The following PGM2L1 variants were observed in gnomAD, a reference collection of about 807,000 sequenced individuals.
PGM2L1 encodes phosphoglucomutase 2 like 1.
Under a neutral mutation model 73.4 loss-of-function variants are expected in PGM2L1, and 35 were observed. That is an observed-to-expected ratio of 0.48 (90% CI 0.36 to 0.63). The LOEUF is 0.63. PGM2L1 is among the 30% of genes least tolerant of loss of function. PGM2L1 has a pLI of 0.00. For synonymous variants in PGM2L1, 225 were observed against 253.8 expected (o/e 0.89, Z 1.08); for missense variants, 570 against 742.0 (o/e 0.77, Z 2.69).
rs60883108 is a variant in PGM2L1 at position 74,395,549 on chromosome 11, C to CTTTTTTTT, written c.111+2494_111+2501dup. 3.0e-3 allele frequency among the ~76,000 whole-genome samples: 193 copies of CTTTTTTTT among 64,948 alleles called. 3 individuals are homozygous for CTTTTTTTT. The highest frequency in any genetic ancestry group is 4.1e-3 in the East Asian group (6 of 1,474). 42.6% of individuals were successfully genotyped at this position (64,948 alleles called of 152,430 possible). On this transcript the variant is annotated intron_variant, in intron 1 of 13. Coordinates refer to ENST00000298198, the MANE Select transcript of PGM2L1 (RefSeq NM_173582.6). ...TACAGGCACGTGACACCTCGCCTGG[C>CTTTTTTTT]TTTTTTTTTTTTTTTTTTTTTTTTT...
At chr11:74,346,618 C>T (rs757961028) in intron 8 of PGM2L1, 114 bp downstream of exon 8, 9 of 766,802 alleles carry the variant, frequency 1.2e-5, no homozygotes, top group Non-Finnish European at 1.7e-5. Context: ...AATGGATTTA[C>T]AGGAAATTTA....
At position 74,347,252 on chromosome 11, in the gene PGM2L1, C is replaced by T; in HGVS notation, c.835G>A (p.Val279Met). Residue 279 changes from valine (V) to methionine (M), a missense_variant, in exon 7 of 14, where the codon GTG becomes ATG. By Grantham distance (21) the Val-to-Met change is conservative (BLOSUM62 1). Coordinates refer to ENST00000298198, the MANE Select transcript of PGM2L1 (RefSeq NM_173582.6). ...GGAATTGGAGGCTTAAAACCAAACA[C>T]TTTAAAAGCCAACTGCACATAGTCA... The part of the protein sequence containing the change: ...GHDYVQLAFK[V>M]FGFKPPIPVP... 6.2e-7 allele frequency: 1 copy of T among 1,613,356 alleles called. No homozygotes were observed.
chr11:74,342,663 T>A lies in PGM2L1; in HGVS notation c.1443-13A>T. On this transcript the variant is annotated splice_polypyrimidine_tract_variant and intron_variant, in intron 11 of 13. Coordinates refer to ENST00000298198, the MANE Select transcript of PGM2L1 (RefSeq NM_173582.6). ...ATGATAACCATATCTGTGCAAAGAT[T>A]CAAAGTGCTAAAATTAGATTTCAGA... 1 of 1,513,888 alleles carries A rather than the reference T, an allele frequency of 6.6e-7. No individual in the cohort carries two copies. Among genetic ancestry groups the A allele is most frequent in the African/African-American group, 1.4e-5 (1 of 71,232 alleles). The allele number at this position is 1,513,888 out of a possible 1,614,324, so 93.8% of individuals were successfully genotyped here.
intron 5 of PGM2L1, among the ~76,000 whole-genome samples, chr11:74,352,696 C>G (rs1163891180): frequency 3.3e-5 from 5 of 152,110 alleles, no homozygotes; most frequent in Non-Finnish European, 7.3e-5. Flanking sequence ...ATAAACACCT[C>G]AAAATGCTAC....
chr11:74,345,374 A>G, intron 9 of PGM2L1, 95 bp downstream of exon 9: 1 of 1,101,980 alleles, frequency 9.1e-7, no homozygotes, highest in Non-Finnish European at 1.3e-6. Flanking sequence ...GGGAATTACA[A>G]ATGAAATCAA....
intron 4 of PGM2L1, among the ~76,000 whole-genome samples, chr11:74,369,022 CCAA>C (rs976580570): frequency 1.3e-5 from 2 of 152,094 alleles, no homozygotes; most frequent in African/African-American, 4.8e-5. Flanking sequence ...CTCCAGTCTC[CCAA>C]CAACACGTTC....
At chr11:74,367,626 A>T (rs1862681102) in intron 5 of PGM2L1, among the ~76,000 whole-genome samples, 1 of 152,096 alleles carries the variant, frequency 6.6e-6, no homozygotes, top group Admixed American at 6.6e-5. Flanking sequence ...CAAGTAAAGG[A>T]TGTCCAAATA....
Position 74,359,748 on chromosome 11 carries a change from T to C in PGM2L1, c.556-8172A>G, listed in dbSNP as rs150637558. ...GAGAAGTGACAAACACGTATATATT[T>C]ATATATGTGTGGACTATCCCTGAAC... On this transcript the variant is annotated intron_variant, in intron 5 of 13. Coordinates refer to ENST00000298198, the MANE Select transcript of PGM2L1 (RefSeq NM_173582.6). Among the ~76,000 whole-genome samples the C allele has an allele frequency of 1.2e-4, 18 of 151,918 alleles. No homozygotes were observed. In the East Asian group the frequency reaches 3.1e-3, roughly 26 times the overall value.
At chr11:74,389,910 T>C (rs961121939) in intron 1 of PGM2L1, among the ~76,000 whole-genome samples, 2 of 119,596 alleles carry the variant, frequency 1.7e-5, no homozygotes, top group Non-Finnish European at 3.4e-5. Flanking sequence ...GAGACCATCC[T>C]GGCTAACATG....
At chr11:74,378,476 C>CA (rs1245469328) in intron 1 of PGM2L1, among the ~76,000 whole-genome samples, 5 of 152,018 alleles carry the variant, frequency 3.3e-5, no homozygotes, top group Non-Finnish European at 5.9e-5. Flanking sequence ...GCAGAAAATC[C>CA]AAAAGATCTT....
intron 1 of PGM2L1, among the ~76,000 whole-genome samples, chr11:74,380,834 A>G (rs1159283737): frequency 6.6e-6 from 1 of 152,174 alleles, no homozygotes; most frequent in Admixed American, 6.6e-5. Context: ...TCTTTCTACA[A>G]CTATTCTGAC....
chr11:74,368,268 T>C (rs1862693047), intron 5 of PGM2L1, among the ~76,000 whole-genome samples: 1 of 152,144 alleles, frequency 6.6e-6, no homozygotes, highest in Non-Finnish European at 1.5e-5. Context: ...CAAGGACAAT[T>C]AGGAATAAAA....
At chr11:74,357,964 G>A (rs1328294032) in intron 5 of PGM2L1, among the ~76,000 whole-genome samples, 1 of 152,148 alleles carries the variant, frequency 6.6e-6, no homozygotes, top group African/African-American at 2.4e-5. Flanking sequence ...CTCTGGAAAA[G>A]GCAAAACTAT....
At chr11:74,386,496 G>T (rs1863020645) in intron 1 of PGM2L1, among the ~76,000 whole-genome samples, 1 of 149,742 alleles carries the variant, frequency 6.7e-6, no homozygotes, top group African/African-American at 2.5e-5. Flanking sequence ...TTTTTTTTGA[G>T]GTAGGGTCCC....
At chr11:74,394,354 C>A (rs1863144104) in intron 1 of PGM2L1, among the ~76,000 whole-genome samples, 1 of 152,120 alleles carries the variant, frequency 6.6e-6, no homozygotes, top group African/African-American at 2.4e-5. Context: ...TGGCATTGGG[C>A]ACAGTGAGTA....
intron 12 of PGM2L1, 47 bp downstream of exon 12, chr11:74,342,414 A>G: frequency 7.3e-7 from 1 of 1,368,426 alleles, no homozygotes; most frequent in South Asian, 1.7e-5. Flanking sequence ...TGGTGACATG[A>G]GCCATGAAAT....
intron 12 of PGM2L1, among the ~76,000 whole-genome samples, chr11:74,338,894 T>A (rs1862139666): frequency 1.3e-5 from 2 of 152,220 alleles, no homozygotes; most frequent in East Asian, 3.8e-4. Flanking sequence ...AGATAGTTAA[T>A]TTTTGTTATG....
At chr11:74,392,992 A>G (rs1162928399) in intron 1 of PGM2L1, among the ~76,000 whole-genome samples, 1 of 152,234 alleles carries the variant, frequency 6.6e-6, no homozygotes, top group Admixed American at 6.5e-5. Flanking sequence ...ACCACTTAAA[A>G]GCCGTATCTC....
intron 12 of PGM2L1, among the ~76,000 whole-genome samples, chr11:74,339,077 G>GTT (rs929086211): frequency 6.6e-6 from 1 of 152,130 alleles, no homozygotes; most frequent in African/African-American, 2.4e-5. Context: ...ATCCTGCAAA[G>GTT]TAAGTGTTAC....
Sources: gnomAD v4.1 joint callset for allele counts (sites outside exome capture counted in the v4.1 genomes callset) on GRCh38, gnomAD v4.1.1 for gene constraint, MANE v1.5 for transcripts, NCBI Gene and HGNC (gene_info 2026-07-23, HGNC 2026-07-21) for gene names.